Variants in MKLN1 observed in about 807,000 individuals in gnomAD.
MKLN1 encodes muskelin 1, also known as muskelin.
Under a neutral mutation model 99.0 loss-of-function variants are expected in MKLN1, and 18 were observed. The observed-to-expected ratio is 0.18, with a 90% CI of 0.13 to 0.27. The LOEUF (loss-of-function observed/expected upper bound fraction) is 0.27. Among genes scored for constraint, MKLN1 ranks in the 10% least tolerant of loss-of-function variants. MKLN1 has a pLI of 1.00. For missense variants in MKLN1, 621 were observed against 875.9 expected (o/e 0.71, Z 3.67); for synonymous variants, 288 against 293.2 (o/e 0.98, Z 0.18).
At chr7:131,325,264 T>C (rs117539299), upstream of MKLN1, among the ~76,000 whole-genome samples, 8 of 152,078 alleles carry the variant, frequency 5.3e-5, no homozygotes, top group East Asian at 1.5e-3. Context: ...AAATATATTG[T>C]GATGTGTGCT....
chr7:131,352,686 C>T (rs556209966), intron 1 of MKLN1, among the ~76,000 whole-genome samples: 6 of 152,054 alleles, frequency 3.9e-5, no homozygotes, highest in East Asian at 1.9e-4. Context: ...TTCTTTTTGC[C>T]GTTAGACTGT....
At chr7:131,209,575 T>G (rs11764097) in intron 3 of MKLN1, among the ~76,000 whole-genome samples, 27,839 of 152,168 alleles carry the variant, frequency 0.18, 2,991 homozygotes, top group Non-Finnish European at 0.25. Flanking sequence ...TGAGACAGGT[T>G]GGCTGGGAAC....
intron 14 of MKLN1, among the ~76,000 whole-genome samples, chr7:131,465,038 T>G (rs1166243783): frequency 6.6e-6 from 1 of 152,190 alleles, no homozygotes; most frequent in Middle Eastern, 3.2e-3. Flanking sequence ...GCAATACACT[T>G]TGAGACCTTT....
rs1554547691 is a variant in MKLN1 at position 131,291,101 on chromosome 7, T to TTTTTTTTATTTA, written c.-178-84320_-178-84319insTTTTATTTATTT. 3.4e-4 allele frequency among the ~76,000 whole-genome samples: 46 copies of TTTTTTTTATTTA among 134,866 alleles called. 1 individual carries two copies. The highest frequency in any genetic ancestry group is 5.9e-4 in the Non-Finnish European group (38 of 64,064). 88.5% of individuals were successfully genotyped at this position (134,866 alleles called of 152,430 possible). A position where few individuals can be genotyped will look rare whatever the true frequency, so the allele number is the denominator to read the frequency against. On this transcript the variant is annotated intron_variant, in intron 3 of 7. Transcript: ENST00000416992. The stretch of plus-strand genomic sequence containing the variant: ...ATGCTTTTCCTTTTATCTCATTTTA[T>TTTTTTTTATTTA]TTTATTTATTTATTTATTTATTTAT...
At chr7:131,255,919 T>TTTATTTAC (rs750267583) in intron 3 of MKLN1, among the ~76,000 whole-genome samples, 1 of 144,354 alleles carries the variant, frequency 6.9e-6, no homozygotes, top group Non-Finnish European at 1.5e-5. Context: ...TATTTATTTA[T>TTTATTTAC]TTTGGAGATG....
At chr7:131,272,311 A>G (rs1291191092) in intron 3 of MKLN1, among the ~76,000 whole-genome samples, 2 of 152,274 alleles carry the variant, frequency 1.3e-5, no homozygotes, top group Non-Finnish European at 2.9e-5. Context: ...CATATCAGGC[A>G]AAGCAAACAG....
intron 1 of MKLN1, among the ~76,000 whole-genome samples, chr7:131,113,062 A>C (rs1426407870): frequency 6.6e-6 from 1 of 152,204 alleles, no homozygotes; most frequent in African/African-American, 2.4e-5. Context: ...TCTGCTCTGA[A>C]GGACATTATA....
chr7:131,196,436 G>T (rs76998619), intron 2 of MKLN1, among the ~76,000 whole-genome samples: 7,522 of 152,204 alleles, frequency 0.049, 235 homozygotes, highest in Middle Eastern at 0.071. Flanking sequence ...AAAAAAGGCT[G>T]AACAACCTTT....
chr7:131,298,006 G>A (rs1048124287), intron 3 of MKLN1, among the ~76,000 whole-genome samples: 2 of 152,162 alleles, frequency 1.3e-5, no homozygotes, highest in African/African-American at 2.4e-5. Flanking sequence ...CATGACGGCC[G>A]GGCGCGGTGG....
chr7:131,311,662 G>A (rs1306982855), intron 3 of MKLN1, among the ~76,000 whole-genome samples: 1 of 152,100 alleles, frequency 6.6e-6, no homozygotes, highest in Non-Finnish European at 1.5e-5. Flanking sequence ...TGACCAAATA[G>A]GATCATAAGT....
intron 1 of MKLN1, among the ~76,000 whole-genome samples, chr7:131,129,919 A>G (rs183516391): frequency 7.2e-4 from 110 of 152,300 alleles, no homozygotes; most frequent in Admixed American, 1.8e-3. Flanking sequence ...AAAAAGAAAG[A>G]CTGACCACAG....
chr7:131,234,114 G>T (rs569142873), intron 3 of MKLN1, among the ~76,000 whole-genome samples: 89 of 152,056 alleles, frequency 5.9e-4, no homozygotes, highest in African/African-American at 2.0e-3. Flanking sequence ...CGAGTAGCTG[G>T]GATTACAGGC....
chr7:131,270,819 A>G (rs955327723), intron 3 of MKLN1, among the ~76,000 whole-genome samples: 7 of 152,014 alleles, frequency 4.6e-5, no homozygotes, highest in Non-Finnish European at 1.0e-4. Flanking sequence ...AGTAATATTT[A>G]TATAAATAGC....
intron 2 of MKLN1, among the ~76,000 whole-genome samples, chr7:131,152,231 A>C (rs1032054550): frequency 3.3e-5 from 5 of 152,132 alleles, no homozygotes; most frequent in Non-Finnish European, 7.3e-5. Flanking sequence ...ATAAGGTGGG[A>C]GGATCATTTG....
chr7:131,463,872 A>G (rs1796586705), intron 13 of MKLN1, among the ~76,000 whole-genome samples: 1 of 152,204 alleles, frequency 6.6e-6, no homozygotes, highest in South Asian at 2.1e-4. Flanking sequence ...GAACAGAAGC[A>G]CTTCAGAGAG....
intron 1 of MKLN1, among the ~76,000 whole-genome samples, chr7:131,361,990 C>T (rs1800044025): frequency 6.6e-6 from 1 of 151,918 alleles, no homozygotes; most frequent in African/African-American, 2.4e-5. Flanking sequence ...TAGTAGTTTT[C>T]TCAGAAAGAA....
chr7:131,430,646 A>G (rs563456314), intron 9 of MKLN1, among the ~76,000 whole-genome samples: 9 of 152,190 alleles, frequency 5.9e-5, no homozygotes, highest in Non-Finnish European at 1.2e-4. Flanking sequence ...AGGTCATCCA[A>G]TACCACATTT....
intron 3 of MKLN1, among the ~76,000 whole-genome samples, chr7:131,241,953 C>T (rs1797410198): frequency 6.6e-6 from 1 of 152,222 alleles, no homozygotes; most frequent in Non-Finnish European, 1.5e-5. Context: ...GCTTGCAACA[C>T]ATGATTTTTC....
intron 1 of MKLN1, among the ~76,000 whole-genome samples, chr7:131,332,425 C>G (rs1799104466): frequency 1.4e-5 from 2 of 147,728 alleles, no homozygotes; most frequent in East Asian, 3.9e-4. Context: ...TACCCCATGT[C>G]TAAGAAAAAA....
Sources: gnomAD v4.1 joint callset for allele counts (sites outside exome capture counted in the v4.1 genomes callset) on GRCh38, gnomAD v4.1.1 for gene constraint, MANE v1.5 for transcripts, NCBI Gene and HGNC (gene_info 2026-07-23, HGNC 2026-07-21) for gene names.